The following FER1L6 variants were observed in gnomAD, a reference collection of about 807,000 sequenced individuals.
FER1L6 encodes fer-1 like family member 6, also known as fer-1-like protein 6.
Under a neutral mutation model 219.2 loss-of-function variants are expected in FER1L6, and 177 were observed. The ratio of observed to expected loss-of-function variants is 0.81; its 90% confidence interval spans 0.71 to 0.91. The LOEUF (loss-of-function observed/expected upper bound fraction) is 0.91, where lower values mean the gene tolerates loss of function less well. FER1L6 is among the 40% of genes least tolerant of loss of function. The probability of loss-of-function intolerance (pLI) is 0.00; values close to 1 mark genes in which losing one functional copy is unlikely to be tolerated. For missense variants in FER1L6, 2,153 were observed against 2,259.9 expected, an observed-to-expected ratio of 0.95 and a Z score of 0.96; for synonymous variants, 768 against 824.3, an observed-to-expected ratio of 0.93 and a Z score of 1.17.
At chr8:124,059,447 T>C (rs914562466) in intron 22 of FER1L6, among the ~76,000 whole-genome samples, 3 of 152,234 alleles carry the variant, frequency 2.0e-5, no homozygotes, top group African/African-American at 7.2e-5. Flanking sequence ...TTTTTTGTTT[T>C]CTTTGGGGAA....
At chr8:124,105,586 G>A (rs1275481936) in intron 39 of FER1L6, among the ~76,000 whole-genome samples, 1 of 152,152 alleles carries the variant, frequency 6.6e-6, no homozygotes, top group African/African-American at 2.4e-5. Flanking sequence ...TTTGGAGAAG[G>A]GCACTTGGTT....
intron 22 of FER1L6, among the ~76,000 whole-genome samples, chr8:124,056,931 C>T (rs1055446767): frequency 7.2e-5 from 11 of 152,154 alleles, no homozygotes; most frequent in Non-Finnish European, 1.3e-4. Context: ...GTAATCCCAG[C>T]TACTCAGGAG....
rs1272332367 is a variant in FER1L6 at position 124,095,049 on chromosome 8, A to G, written c.4695+11A>G. 8 of 1,613,934 alleles carry G rather than the reference A, an allele frequency of 5.0e-6. No homozygotes were observed. Among genetic ancestry groups the G allele is most frequent in the Non-Finnish European group, 6.8e-6 (8 of 1,179,888 alleles). ...CCAGGAATGGAGCAGGTAGTGGGCA[A>G]GACTATTCTGGCCCTAAAAGTTAAT... On this transcript the variant is annotated intron_variant, in intron 35 of 40. Transcript: ENST00000522917.
intron 13 of FER1L6, among the ~76,000 whole-genome samples, chr8:124,004,813 A>G (rs1270445328): frequency 6.6e-6 from 1 of 152,106 alleles, no homozygotes; most frequent in Non-Finnish European, 1.5e-5. Context: ...CCTGTCCAAC[A>G]TAATGAAACT....
intron 1 of FER1L6, chr8:123,924,874 T>C (rs2129869134): frequency 6.6e-6 from 1 of 152,304 alleles, no homozygotes; most frequent in Non-Finnish European, 1.5e-5. Context: ...TCTCTCATGG[T>C]CACTGTCAAA....
Position 123,895,698 on chromosome 8 carries a change from G to A in FER1L6, c.-8+43513G>A, listed in dbSNP as rs72727523. On this transcript the variant is annotated intron_variant, in intron 1 of 40. Transcript: ENST00000522917. Reference sequence around the variant, plus strand: ...ACTAAAGTAGGGAGTCCAGTGGGTTGGGTTTGATTTAAATGAGTGCTGAAA... The same window carrying A: ...ACTAAAGTAGGGAGTCCAGTGGGTTAGGTTTGATTTAAATGAGTGCTGAAA... 5.6e-3 allele frequency among the ~76,000 whole-genome samples: 855 copies of A among 152,266 alleles called. 3 individuals carry two copies. The highest frequency in any genetic ancestry group is 8.9e-3 in the Non-Finnish European group (604 of 68,018).
In FER1L6 at chr8:124,082,305, C is replaced by T; in HGVS notation, c.4238C>T (p.Ala1413Val). Residue 1413 changes from alanine to valine, a missense_variant, in exon 33 of 41, where the codon GCC (alanine) becomes GTC (valine). By Grantham distance (64) the Ala-to-Val change is moderately conservative. Coordinates refer to ENST00000522917, the MANE Select transcript of FER1L6 (RefSeq NM_001039112.2). ...PVFGRSFEIQ[A>V]TFPKESLLSI... ...GACCGCAGGTCATTTGAGATCCAAG[C>T]CACATTCCCAAAAGAGTCCCTGCTC... 1.2e-6 allele frequency: 2 copies of T among 1,613,128 alleles called. No individual in the cohort carries two copies. The highest frequency in any genetic ancestry group is 2.7e-5 in the African/African-American group (2 of 74,978).
intron 39 of FER1L6, among the ~76,000 whole-genome samples, chr8:124,103,660 TC>T (rs1822639626): frequency 6.6e-6 from 1 of 152,220 alleles, no homozygotes; most frequent in African/African-American, 2.4e-5. Flanking sequence ...AAGTGATCCA[TC>T]CTTTTAAAAG....
chr8:123,915,452 T>C (rs547786902), intron 1 of FER1L6, among the ~76,000 whole-genome samples: 2 of 152,262 alleles, frequency 1.3e-5, no homozygotes, highest in East Asian at 1.9e-4. Flanking sequence ...TAGAATTACA[T>C]GGGTACACTG....
chr8:124,023,641 C>T lies in FER1L6; in HGVS notation c.2286+45C>T, dbSNP rs369181714. 24 of 1,597,152 alleles carry T rather than the reference C, an allele frequency of 1.5e-5. No individual in the cohort carries two copies. In the African/African-American group the frequency reaches 2.0e-4, roughly 13 times the overall value. ...ACTAAAAGAAGGGAGATTTCTGTTT[C>T]TCTAGGGTGGCTCAGACTTTCTAGT... On this transcript the variant is annotated intron_variant, in intron 18 of 40. Transcript: ENST00000522917.
intron 19 of FER1L6, among the ~76,000 whole-genome samples, chr8:124,036,941 T>C (rs1178118867): frequency 6.6e-6 from 1 of 152,180 alleles, no homozygotes; most frequent in Non-Finnish European, 1.5e-5. Flanking sequence ...ATGTAAGGCA[T>C]GGTGGAAAAA....
chr8:123,907,875 C>A (rs576327861), intron 1 of FER1L6, among the ~76,000 whole-genome samples: 1 of 151,900 alleles, frequency 6.6e-6, no homozygotes, highest in Non-Finnish European at 1.5e-5. Context: ...AGTAAACTTA[C>A]AAATACTGCA....
chr8:123,915,636 C>T (rs1221148305), intron 1 of FER1L6, among the ~76,000 whole-genome samples: 1 of 152,210 alleles, frequency 6.6e-6, no homozygotes, highest in Admixed American at 6.5e-5. Flanking sequence ...AGAACGTTTA[C>T]AGATTAGTAG....
chr8:124,082,144 A>C, intron 32 of FER1L6, 144 bp from the exon 33 acceptor site: 1 of 544,640 alleles, frequency 1.8e-6, no homozygotes, highest in Non-Finnish European at 3.1e-6. Flanking sequence ...AATTAAACCA[A>C]ACAAATATCT....
rs1372252863 is a variant in FER1L6 at position 123,852,992 on chromosome 8, G to C, written c.-8+807G>C. On this transcript the variant is annotated intron_variant, in intron 1 of 40. Coordinates refer to ENST00000522917, the MANE Select transcript of FER1L6 (RefSeq NM_001039112.2). The surrounding 1 kb of genome is among the most constrained non-coding windows in gnomAD (Gnocchi z 4.9). ...TAGATGTATTCTATGTGTCTATTTA[G>C]CTACCTATCAGATCAATTTTATTCT... is the stretch of plus-strand genomic sequence containing the variant. 2.6e-4 allele frequency among the ~76,000 whole-genome samples: 40 copies of C among 152,000 alleles called. No homozygotes were observed. The highest frequency in any genetic ancestry group is 2.6e-3 in the Admixed American group (40 of 15,244).
intron 1 of FER1L6, among the ~76,000 whole-genome samples, chr8:123,952,432 T>C (rs1814811699): frequency 6.6e-6 from 1 of 152,202 alleles, no homozygotes; most frequent in Admixed American, 6.5e-5. Context: ...TGGATACAGA[T>C]ATCGGAGTCG....
At chr8:123,897,812 C>CA (rs1812771291) in intron 1 of FER1L6, among the ~76,000 whole-genome samples, 2 of 152,210 alleles carry the variant, frequency 1.3e-5, no homozygotes, top group South Asian at 4.1e-4. Context: ...GTTCTATTGA[C>CA]AGTAAAGCAA....
chr8:124,091,400 T>C (rs1329953501), intron 33 of FER1L6, 23 bp from the exon 34 acceptor site: 1 of 1,610,102 alleles, frequency 6.2e-7, no homozygotes, highest in Non-Finnish European at 8.5e-7. Flanking sequence ...GACCTCAAAG[T>C]GTGTTCTCCC....
In FER1L6 at chr8:124,070,603, G is replaced by A; in HGVS notation, c.3966+5G>A. The stretch of plus-strand genomic sequence containing the variant: ...CGAGTCATAGGAAAATTTAAGGCAG[G>A]TTCCATTTTTAATCCTTTTATTTGG... On this transcript the variant is annotated splice_donor_5th_base_variant and intron_variant, in intron 30 of 40. Coordinates refer to ENST00000522917, the MANE Select transcript of FER1L6 (RefSeq NM_001039112.2). 1 of 1,572,466 alleles carries A rather than the reference G, an allele frequency of 6.4e-7. No individual in the cohort carries two copies. Among genetic ancestry groups the A allele is most frequent in the Non-Finnish European group, 8.6e-7 (1 of 1,164,232 alleles).
Sources: gnomAD v4.1 joint callset for allele counts (sites outside exome capture counted in the v4.1 genomes callset) on GRCh38, gnomAD v4.1.1 for gene constraint, Gnocchi (gnomAD v3.1) non-coding constraint, MANE v1.5 for transcripts, NCBI Gene and HGNC (gene_info 2026-07-23, HGNC 2026-07-21) for gene names.